KIF16B: variants seen among roughly 807,000 people sequenced by gnomAD.
KIF16B encodes the protein kinesin family member 16B.
Under a neutral mutation model 156.3 loss-of-function variants are expected in KIF16B, and 98 were observed. That is an observed-to-expected ratio of 0.63 (90% confidence interval 0.53 to 0.74). The LOEUF is 0.74. Among genes scored for constraint, KIF16B ranks in the 30% least tolerant of loss-of-function variants. The pLI is 0.00. For synonymous variants in KIF16B, 564 were observed against 583.7 expected (o/e 0.97, Z 0.49); for missense variants, 1,421 against 1,606.5 (o/e 0.88, Z 1.97).
intron 12 of KIF16B, among the ~76,000 whole-genome samples, chr20:16,453,118 A>C (rs2067128085): frequency 6.6e-6 from 1 of 151,762 alleles, no homozygotes; most frequent in South Asian, 2.1e-4. Flanking sequence ...AAAAAAAAAA[A>C]AATTACTCAG....
At chr20:16,353,009 C>T (rs1034950895) in intron 23 of KIF16B, among the ~76,000 whole-genome samples, 3 of 152,020 alleles carry the variant, frequency 2.0e-5, no homozygotes, top group East Asian at 1.9e-4. Flanking sequence ...TGCGGGATAA[C>T]GAAAAACAAA....
chr20:16,570,382 T>C (rs2122216134), intron 1 of KIF16B, among the ~76,000 whole-genome samples: 1 of 152,348 alleles, frequency 6.6e-6, no homozygotes, highest in African/African-American at 2.4e-5. Flanking sequence ...TGACAGCTAC[T>C]GTCAAATTTC....
At chr20:16,437,985 A>AT (rs1491172992) in intron 12 of KIF16B, among the ~76,000 whole-genome samples, 23 of 131,962 alleles carry the variant, frequency 1.7e-4, no homozygotes, top group African/African-American at 6.6e-4. Context: ...ATAAAAAAAA[A>AT]TAATAAAAAA....
intron 12 of KIF16B, among the ~76,000 whole-genome samples, chr20:16,430,753 C>T (rs1194063220): frequency 6.6e-6 from 1 of 151,894 alleles, no homozygotes; most frequent in Non-Finnish European, 1.5e-5. Context: ...CATCTAGATG[C>T]TGATGACTCT....
intron 23 of KIF16B, among the ~76,000 whole-genome samples, chr20:16,352,024 T>A (rs544283104): frequency 3.3e-5 from 5 of 152,194 alleles, no homozygotes; most frequent in African/African-American, 4.8e-5. Flanking sequence ...AGAAGATAAA[T>A]GCCGTTGGAT....
intron 12 of KIF16B, among the ~76,000 whole-genome samples, chr20:16,470,157 G>C (rs1042488574): frequency 3.3e-5 from 5 of 152,142 alleles, no homozygotes; most frequent in African/African-American, 1.2e-4. Flanking sequence ...AAAGTAAAAG[G>C]ATCAGTGATT....
At chr20:16,275,617 T>C (rs1210886296) in intron 25 of KIF16B, among the ~76,000 whole-genome samples, 5 of 152,260 alleles carry the variant, frequency 3.3e-5, no homozygotes, top group Non-Finnish European at 7.3e-5. Flanking sequence ...ACTCAAGATG[T>C]TTTTTCTTGT....
At chr20:16,456,290 C>CA (rs1647195914) in intron 12 of KIF16B, among the ~76,000 whole-genome samples, 1 of 152,172 alleles carries the variant, frequency 6.6e-6, no homozygotes, top group Non-Finnish European at 1.5e-5. Flanking sequence ...GTTTGGAATA[C>CA]ATAGTTCTCA....
At chr20:16,319,744 G>A (rs1200602524) in intron 24 of KIF16B, among the ~76,000 whole-genome samples, 1 of 152,160 alleles carries the variant, frequency 6.6e-6, no homozygotes, top group Admixed American at 6.5e-5. Flanking sequence ...TTACTTCCAG[G>A]AGCCCCACCA....
chr20:16,331,818 A>G (rs1414468818), intron 24 of KIF16B, among the ~76,000 whole-genome samples: 1 of 152,072 alleles, frequency 6.6e-6, no homozygotes, highest in Admixed American at 6.5e-5. Context: ...GTCAGGCCAA[A>G]TAGTCCACTT....
intron 12 of KIF16B, among the ~76,000 whole-genome samples, chr20:16,430,337 T>C (rs1336828421): frequency 6.6e-6 from 1 of 152,088 alleles, no homozygotes; most frequent in Non-Finnish European, 1.5e-5. Context: ...GTTGATGGCT[T>C]TTCTCTCTAC....
intron 12 of KIF16B, among the ~76,000 whole-genome samples, chr20:16,448,876 C>CAGAGAG (rs138248990): frequency 0.017 from 2,529 of 145,406 alleles, 64 homozygotes; most frequent in African/African-American, 0.048. Context: ...AGAAATATGA[C>CAGAGAG]AGAGAGAGAG....
At position 16,427,128 on chromosome 20, in the gene KIF16B, C is replaced by A; in HGVS notation, c.1588G>T (p.Val530Leu). 6.2e-7 allele frequency: 1 copy of A among 1,608,326 alleles called. No homozygotes were observed. The highest frequency in any genetic ancestry group is 1.1e-5 in the South Asian group (1 of 89,696). The stretch of plus-strand genomic sequence containing the variant: ...CCTTGATTTAGATGTGTGGCCTCCA[C>A]GATCTGAACACCATTCACAGAGCAC... Reference protein sequence around the residue: ...SQCSVNGVQIVEATHLNQGAV... With the variant: ...SQCSVNGVQILEATHLNQGAV... Residue 530 changes from valine to leucine, a missense_variant, in exon 15 of 26, where the codon GTG (valine) becomes TTG (leucine). Coordinates refer to ENST00000354981, the MANE Select transcript of KIF16B (RefSeq NM_024704.5).
At position 16,558,635 on chromosome 20, in the gene KIF16B, G is replaced by A. The variant is rs116363818; in HGVS notation, c.47+14594C>T. ...ATGTGGGGGTAGGGTGGGTGCGATG[G>A]CTCACGCCTGTAATCCCAACACTTT... On this transcript the variant is annotated intron_variant, in intron 1 of 25. Coordinates refer to ENST00000354981, the MANE Select transcript of KIF16B (RefSeq NM_024704.5). 1.3e-3 allele frequency among the ~76,000 whole-genome samples: 202 copies of A among 152,360 alleles called. 1 individual carries two copies. The highest frequency in any genetic ancestry group is 4.6e-3 in the African/African-American group (192 of 41,596).
At chr20:16,294,726 T>C (rs1404272636) in intron 25 of KIF16B, among the ~76,000 whole-genome samples, 1 of 152,162 alleles carries the variant, frequency 6.6e-6, no homozygotes. Context: ...ACCATGGCTA[T>C]GGCTAATATC....
At chr20:16,527,149 T>G (rs1052196973) in intron 2 of KIF16B, among the ~76,000 whole-genome samples, 3 of 151,918 alleles carry the variant, frequency 2.0e-5, no homozygotes, top group Non-Finnish European at 2.9e-5. Flanking sequence ...GGTAGAAACA[T>G]GAGAATATGC....
chr20:16,466,205 C>A (rs1245632839), intron 12 of KIF16B, among the ~76,000 whole-genome samples: 1 of 152,222 alleles, frequency 6.6e-6, no homozygotes, highest in Non-Finnish European at 1.5e-5. Flanking sequence ...GATCTGAATT[C>A]TAGTTTCCAG....
chr20:16,568,985 G>A (rs145255344), intron 1 of KIF16B, among the ~76,000 whole-genome samples: 234 of 152,206 alleles, frequency 1.5e-3, no homozygotes, highest in African/African-American at 5.3e-3. Context: ...AGTATTAAGA[G>A]GTAGGGCCTT....
At chr20:16,442,010 T>C (rs1258168300) in intron 12 of KIF16B, among the ~76,000 whole-genome samples, 1 of 152,200 alleles carries the variant, frequency 6.6e-6, no homozygotes, top group Non-Finnish European at 1.5e-5. Flanking sequence ...ACAACGGGGA[T>C]GCATTCTGAG....
Sources: gnomAD v4.1 joint callset for allele counts (sites outside exome capture counted in the v4.1 genomes callset) on GRCh38, gnomAD v4.1.1 for gene constraint, MANE v1.5 for transcripts, NCBI Gene and HGNC (gene_info 2026-07-23, HGNC 2026-07-21) for gene names.